The following PLXDC2 variants were observed in gnomAD, a reference collection of about 807,000 sequenced individuals.
The protein encoded by PLXDC2 is plexin domain containing 2.
A neutral mutation model predicts 68.9 loss-of-function variants in PLXDC2; 40 were observed. The observed-to-expected ratio is 0.58, with a 90% confidence interval of 0.45 to 0.76. The LOEUF is 0.76. Among genes scored for constraint, PLXDC2 ranks in the 30% least tolerant of loss-of-function variants. The pLI is 0.00. For missense variants in PLXDC2, 644 were observed against 661.9 expected (o/e 0.97, Z 0.30); for synonymous variants, 243 against 234.2 (o/e 1.04, Z -0.34).
At chr10:20,019,924 T>C (rs886548616) in intron 2 of PLXDC2, among the ~76,000 whole-genome samples, 2 of 152,156 alleles carry the variant, frequency 1.3e-5, no homozygotes, top group Non-Finnish European at 2.9e-5. Flanking sequence ...GAAACTTCCA[T>C]CCGTTGAACA....
At chr10:20,019,464 G>A (rs1835266852) in intron 2 of PLXDC2, among the ~76,000 whole-genome samples, 1 of 152,162 alleles carries the variant, frequency 6.6e-6, no homozygotes, top group Non-Finnish European at 1.5e-5. Flanking sequence ...GCTATGAACT[G>A]AATTTTATCC....
chr10:20,211,739 C>T lies in PLXDC2; in HGVS notation c.1122+10C>T. The T allele has an allele frequency of 6.2e-7, 1 of 1,611,886 alleles. No homozygotes were observed. The stretch of plus-strand genomic sequence containing the variant: ...TGGATGCCCTGAAGAGGTACACATG[C>T]TTTATTGTGACAGAATCCTGGGACC... On this transcript the variant is annotated intron_variant, in intron 10 of 13. Coordinates refer to ENST00000377252, the MANE Select transcript of PLXDC2 (RefSeq NM_032812.9).
At chr10:20,169,772 C>A (rs1472158166) in intron 7 of PLXDC2, among the ~76,000 whole-genome samples, 1 of 152,120 alleles carries the variant, frequency 6.6e-6, no homozygotes. Context: ...GAGAAAGTTA[C>A]GTTAACACTC....
Position 19,883,884 on chromosome 10 carries a change from CTTTTTTTTTTT to C in PLXDC2, c.112+66710_112+66720del, listed in dbSNP as rs397846779. ...ATTACTGTCTCCAGATCCCTTTAAACTTTTTTTTTTTTTTTTTTTTTTTTTTTAGCAGACAG... is the reference window on the plus strand; with the variant it reads ...ATTACTGTCTCCAGATCCCTTTAAACTTTTTTTTTTTTTTTTAGCAGACAG... On this transcript the variant is annotated intron_variant, in intron 1 of 13. Coordinates refer to ENST00000377252, the MANE Select transcript of PLXDC2 (RefSeq NM_032812.9). Among the ~76,000 whole-genome samples the C allele has an allele frequency of 2.2e-4, 12 of 55,102 alleles. 1 individual carries two copies. Among genetic ancestry groups the C allele is most frequent in the East Asian group, 7.4e-4 (1 of 1,354 alleles). The allele number at this position is 55,102 out of a possible 152,430, so 36.1% of individuals were successfully genotyped here.
chr10:20,121,382 G>T (rs1833694900), intron 4 of PLXDC2, among the ~76,000 whole-genome samples: 1 of 152,158 alleles, frequency 6.6e-6, no homozygotes, highest in Non-Finnish European at 1.5e-5. Flanking sequence ...AGGAGTTGTT[G>T]TTTTGTAAGG....
At chr10:20,189,653 G>A (rs1267897494) in intron 9 of PLXDC2, among the ~76,000 whole-genome samples, 5 of 149,854 alleles carry the variant, frequency 3.3e-5, no homozygotes, top group South Asian at 2.1e-4. Flanking sequence ...TATCAGTGCC[G>A]AATCTATATG....
rs1026994135 is a variant in PLXDC2, at chr10:20,211,842, A to C, written c.1122+113A>C. On this transcript the variant is annotated intron_variant, in intron 10 of 13. Coordinates refer to ENST00000377252, the MANE Select transcript of PLXDC2 (RefSeq NM_032812.9). ...TGCCCTAAAACTTAATGAAAGGAGA[A>C]GAATCCTTCTATAAGCCCAATGTCT... is the stretch of plus-strand genomic sequence containing the variant. The C allele has an allele frequency of 4.0e-6, 4 of 992,278 alleles. No homozygotes were observed. The African/African-American group carries it at 6.5e-5, about 16-fold the overall frequency. 61.5% of individuals were successfully genotyped at this position (992,278 alleles called of 1,614,324 possible).
chr10:19,875,084 G>C (rs557772159), intron 1 of PLXDC2, among the ~76,000 whole-genome samples: 1 of 152,078 alleles, frequency 6.6e-6, no homozygotes, highest in Non-Finnish European at 1.5e-5. Flanking sequence ...CAGAATGAAG[G>C]TGCAAAAATT....
At position 20,238,852 on chromosome 10, in the gene PLXDC2, A is replaced by G. The variant is rs1207675431; in HGVS notation, c.1313-6493A>G. 2.0e-5 allele frequency among the ~76,000 whole-genome samples: 3 copies of G among 151,150 alleles called. No homozygotes were observed. The East Asian group carries it at 5.8e-4, about 29-fold the overall frequency. On this transcript the variant is annotated intron_variant, in intron 12 of 13. Transcript: ENST00000377252. ...AGTTCTTACAGTCTTCTCTGTGTCT[A>G]AATATTGATCTGCATTTCATAAAGT...
chr10:20,017,289 A>G lies in PLXDC2; in HGVS notation c.324+15303A>G, dbSNP rs529886762. Among the ~76,000 whole-genome samples, 6 of 152,294 alleles carry G rather than the reference A, an allele frequency of 3.9e-5. No individual in the cohort carries two copies. In the East Asian group the frequency reaches 1.2e-3, roughly 29 times the overall value. ...GCCACTGGGCAGCTAAGTAGAATAA[A>G]GGGAACAAGGCTGATCAAAACATGG... On this transcript the variant is annotated intron_variant, in intron 2 of 13. Coordinates refer to ENST00000377252, the MANE Select transcript of PLXDC2 (RefSeq NM_032812.9).
chr10:20,219,845 A>C (rs1250337490), intron 12 of PLXDC2, among the ~76,000 whole-genome samples: 1 of 152,114 alleles, frequency 6.6e-6, no homozygotes, highest in Admixed American at 6.5e-5. Context: ...GCACATTGTG[A>C]CTTTGATCTA....
chr10:20,139,440 A>G (rs934754617), intron 4 of PLXDC2, among the ~76,000 whole-genome samples: 5 of 152,370 alleles, frequency 3.3e-5, no homozygotes, highest in African/African-American at 1.2e-4. Flanking sequence ...CATAGTAAGC[A>G]AAGGAGACAT....
At chr10:20,246,763 T>A (rs531407766) in intron 13 of PLXDC2, among the ~76,000 whole-genome samples, 1 of 152,328 alleles carries the variant, frequency 6.6e-6, no homozygotes, top group African/African-American at 2.4e-5. Context: ...ATTTCAAACA[T>A]GTAATTAGAA....
intron 1 of PLXDC2, among the ~76,000 whole-genome samples, chr10:19,842,937 A>C (rs1193345287): frequency 6.6e-6 from 1 of 152,226 alleles, no homozygotes; most frequent in African/African-American, 2.4e-5. Flanking sequence ...AAAGCAGTGC[A>C]CAGCTAAATG....
chr10:19,829,401 T>C lies in PLXDC2; in HGVS notation c.112+12210T>C, dbSNP rs531928204. ...ATGGTGCTGTGTTTGTTCAGGTTTA[T>C]CACTCATGCAAAGAGTTTTGTTGAT... is the stretch of plus-strand genomic sequence containing the variant. On this transcript the variant is annotated intron_variant, in intron 1 of 13. Transcript: ENST00000377252. Among the ~76,000 whole-genome samples the C allele has an allele frequency of 3.3e-5, 5 of 152,300 alleles. No homozygotes were observed. The South Asian group carries it at 1.0e-3, about 32-fold the overall frequency.
intron 2 of PLXDC2, among the ~76,000 whole-genome samples, chr10:20,028,516 A>G (rs542670349): frequency 1.9e-4 from 29 of 152,214 alleles, no homozygotes; most frequent in African/African-American, 7.0e-4. Flanking sequence ...ATTTTCCCAT[A>G]TTTGTTTTTT....
At chr10:19,958,251 A>C (rs1365100294) in intron 1 of PLXDC2, among the ~76,000 whole-genome samples, 1 of 152,138 alleles carries the variant, frequency 6.6e-6, no homozygotes, top group Non-Finnish European at 1.5e-5. Flanking sequence ...CCTGTTATAC[A>C]GTATACTCTC....
intron 1 of PLXDC2, among the ~76,000 whole-genome samples, chr10:19,942,740 C>T (rs1380101997): frequency 6.6e-6 from 1 of 152,124 alleles, no homozygotes; most frequent in South Asian, 2.1e-4. Flanking sequence ...GTACTCCAAC[C>T]TGAGTGATAG....
At chr10:19,962,124 A>G (rs1443271254) in intron 1 of PLXDC2, among the ~76,000 whole-genome samples, 2 of 152,264 alleles carry the variant, frequency 1.3e-5, no homozygotes, top group African/African-American at 4.8e-5. Context: ...AAAATTTAGG[A>G]AAAAGTCTTA....
Sources: allele counts gnomAD v4.1 joint callset (sites outside exome capture counted in the v4.1 genomes callset), GRCh38; gene constraint gnomAD v4.1.1; transcripts MANE v1.5; gene names NCBI Gene and HGNC (gene_info 2026-07-23, HGNC 2026-07-21).